Variants in TOMM34 observed in about 807,000 individuals in gnomAD.
TOMM34 encodes translocase of outer mitochondrial membrane 34.
In TOMM34, 24 loss-of-function variants were observed where a neutral mutation model predicts 37.4. That is an observed-to-expected ratio of 0.64 (90% confidence interval 0.46 to 0.90). TOMM34 has a LOEUF of 0.90. TOMM34 is among the 40% of genes least tolerant of loss of function. The pLI is 0.00. For missense variants in TOMM34, 304 were observed against 375.6 expected (o/e 0.81, Z 1.58); for synonymous variants, 154 against 148.9 (o/e 1.03, Z -0.25).
chr20:44,955,094 C>G lies in TOMM34; in HGVS notation c.354G>C (p.Val118=). The G allele has an allele frequency of 6.2e-7, 1 of 1,614,138 alleles. No individual in the cohort carries two copies. The highest frequency in any genetic ancestry group is 8.5e-7 in the Non-Finnish European group (1 of 1,180,030). ...YKTVLQIDDN[V]TSAVEGINRM... ...TGTTGATGCCTTCTACGGCTGACGT[C>G]ACATTATCATCAATCTGCAGCACAG... The change falls in exon 3 of 7, where the codon GTG becomes GTC. Residue 118 remains valine, a synonymous_variant. Transcript: ENST00000372813.
intron 4 of TOMM34, among the ~76,000 whole-genome samples, chr20:44,949,079 A>G (rs930574905): frequency 5.3e-5 from 8 of 152,184 alleles, no homozygotes; most frequent in African/African-American, 1.9e-4. Context: ...TTCATCAAGA[A>G]GTTGGGGAAT....
intron 5 of TOMM34, among the ~76,000 whole-genome samples, chr20:44,948,012 C>A (rs1301682490): frequency 2.0e-5 from 3 of 152,224 alleles, no homozygotes; most frequent in Non-Finnish European, 4.4e-5. Context: ...ACAGGAAGAT[C>A]TTGTTGAAGT....
At position 44,942,261 on chromosome 20, in the gene TOMM34, G is replaced by A. The variant is rs938637030; in HGVS notation, c.*848C>T. ...TTTAATGCAACAGCTTAAACACACA[G>A]TTCAACAAAATCAGTCAATTCAAAT... On this transcript the variant is annotated 3_prime_UTR_variant, in exon 7 of 7. Coordinates refer to ENST00000372813, the MANE Select transcript of TOMM34 (RefSeq NM_006809.5). 1 of 152,230 alleles carries A rather than the reference G, an allele frequency of 6.6e-6. No individual in the cohort carries two copies. Among genetic ancestry groups the A allele is most frequent in the Non-Finnish European group, 1.5e-5 (1 of 68,050 alleles). The allele number at this position is 152,230 out of a possible 1,614,324, so 9.4% of individuals were successfully genotyped here.
Position 44,958,117 on chromosome 20 carries a change from C to CATGTATATAT in TOMM34, c.128-1642_128-1633dup, listed in dbSNP as rs1555802824. On this transcript the variant is annotated intron_variant, in intron 1 of 6. Transcript: ENST00000372813. The stretch of plus-strand genomic sequence containing the variant: ...GTATATGTATATATGTATACATGTA[C>CATGTATATAT]ATGTATATATATGTATATGTATATA... 4.9e-3 allele frequency among the ~76,000 whole-genome samples: 718 copies of CATGTATATAT among 146,420 alleles called. 3 individuals are homozygous for CATGTATATAT. The highest frequency in any genetic ancestry group is 8.4e-3 in the Non-Finnish European group (567 of 67,284).
intron 5 of TOMM34, among the ~76,000 whole-genome samples, chr20:44,944,689 A>G (rs2066965606): frequency 6.6e-6 from 1 of 152,218 alleles, no homozygotes; most frequent in African/African-American, 2.4e-5. Flanking sequence ...CATCTCTTAA[A>G]CAAAACAAAA....
At chr20:44,955,346 T>G (rs2067062602) in intron 2 of TOMM34, 126 bp from the exon 3 acceptor site, 28 of 1,274,846 alleles carry the variant, frequency 2.2e-5, no homozygotes, top group Non-Finnish European at 2.8e-5. Context: ...CCGAGAGACA[T>G]GGCTAAAAAC....
rs75483280 is a variant in TOMM34, at chr20:44,955,448, A to G, written c.228-228T>C. The G allele has an allele frequency of 3.8e-3, 2,487 of 655,310 alleles. 12 individuals carry two copies. The highest frequency in any genetic ancestry group is 5.0e-3 in the Non-Finnish European group (1,802 of 357,126). 40.6% of individuals were successfully genotyped at this position (655,310 alleles called of 1,614,324 possible). A position where few individuals can be genotyped will look rare whatever the true frequency, so the allele number is the denominator to read the frequency against. On this transcript the variant is annotated intron_variant, in intron 2 of 6. Coordinates refer to ENST00000372813, the MANE Select transcript of TOMM34 (RefSeq NM_006809.5). ...CATGAATTTTGTTAAATGTGTGTGCACATGCATCAATTTTCATAGTTTCAG... is the reference window on the plus strand; with the variant it reads ...CATGAATTTTGTTAAATGTGTGTGCGCATGCATCAATTTTCATAGTTTCAG...
intron 5 of TOMM34, among the ~76,000 whole-genome samples, chr20:44,946,723 G>A (rs1221626021): frequency 6.6e-6 from 1 of 152,214 alleles, no homozygotes. Context: ...GCGTACATGA[G>A]GTGGAGCATT....
In TOMM34 at chr20:44,947,589, C is replaced by T. The variant is rs562970609; in HGVS notation, c.698+1141G>A. Among the ~76,000 whole-genome samples, 344 of 152,246 alleles carry T rather than the reference C, an allele frequency of 2.3e-3. 2 individuals carry two copies. The highest frequency in any genetic ancestry group is 3.0e-3 in the Non-Finnish European group (204 of 68,008). On this transcript the variant is annotated intron_variant, in intron 5 of 6. Coordinates refer to ENST00000372813, the MANE Select transcript of TOMM34 (RefSeq NM_006809.5). ...TCTTGGCTCACTGTAACCTCTGCCT[C>T]CTGGGTTCAAGTGATTCTCCTGCCT...
chr20:44,954,953 T>C, intron 3 of TOMM34, 115 bp downstream of exon 3: 1 of 1,332,886 alleles, frequency 7.5e-7, no homozygotes, highest in Non-Finnish European at 1.0e-6. Context: ...CCATCGGGAG[T>C]TTTTTAAGTG....
intron 4 of TOMM34, among the ~76,000 whole-genome samples, chr20:44,949,479 C>T (rs541148766): frequency 4.6e-5 from 7 of 152,314 alleles, no homozygotes; most frequent in Admixed American, 3.3e-4. Context: ...ACACATGCAG[C>T]TCTGCTCCAG....
At chr20:44,944,051 T>G (rs2066959912) in intron 5 of TOMM34, among the ~76,000 whole-genome samples, 1 of 152,216 alleles carries the variant, frequency 6.6e-6, no homozygotes, top group Non-Finnish European at 1.5e-5. Flanking sequence ...GTTTGCAATT[T>G]ACTTTTAAGT....
At chr20:44,958,405 C>T (rs1313106990) in intron 1 of TOMM34, 3 of 471,380 alleles carry the variant, frequency 6.4e-6, no homozygotes, top group Non-Finnish European at 1.3e-5. Flanking sequence ...GTACCCAAAA[C>T]CTGTAATCCA....
At position 44,956,613 on chromosome 20, in the gene TOMM34, G is replaced by A; in HGVS notation, c.128-128C>T. The A allele has an allele frequency of 6.3e-6, 5 of 798,010 alleles. No individual in the cohort carries two copies. In the Admixed American group the frequency reaches 1.0e-4, roughly 16 times the overall value. The allele number at this position is 798,010 out of a possible 1,614,324, so 49.4% of individuals were successfully genotyped here. A position where few individuals can be genotyped will look rare whatever the true frequency, so the allele number is the denominator to read the frequency against. The stretch of plus-strand genomic sequence containing the variant: ...AGTAGAGATAACTATAACCTGTTCA[G>A]GCTTGTTGGTCTGCTGGGCTGGCGT... On this transcript the variant is annotated intron_variant, in intron 1 of 6. Transcript: ENST00000372813.
intron 6 of TOMM34, 85 bp downstream of exon 6, chr20:44,943,368 C>T: frequency 6.2e-7 from 1 of 1,603,348 alleles, no homozygotes; most frequent in Non-Finnish European, 8.5e-7. Context: ...GATATTGTCT[C>T]AGCTTGGCTA....
chr20:44,948,594 T>C (rs2067000104), intron 5 of TOMM34, 136 bp downstream of exon 5: 2 of 1,107,746 alleles, frequency 1.8e-6, no homozygotes, highest in Non-Finnish European at 2.6e-6. Flanking sequence ...CATGGCTAGC[T>C]CACAACGTGG....
chr20:44,960,349 G>A lies in TOMM34; in HGVS notation c.-16C>T. On this transcript the variant is annotated 5_prime_UTR_variant, in exon 1 of 7. Transcript: ENST00000372813. ...TGGGGGCCATCCCGTGGCCAGGCCGGCGAGTTGGGAGCTCCTTCCTTCCTC... is the reference window on the plus strand; with the variant it reads ...TGGGGGCCATCCCGTGGCCAGGCCGACGAGTTGGGAGCTCCTTCCTTCCTC... The A allele has an allele frequency of 1.9e-6, 3 of 1,553,952 alleles. No individual in the cohort carries two copies. The highest frequency in any genetic ancestry group is 2.5e-5 in the East Asian group (1 of 40,376).
At chr20:44,954,197 CAG>C (rs1017964805) in intron 3 of TOMM34, among the ~76,000 whole-genome samples, 2 of 152,184 alleles carry the variant, frequency 1.3e-5, no homozygotes, top group African/African-American at 4.8e-5. Flanking sequence ...TTTCTGGCCT[CAG>C]AGCCCCCTGT....
chr20:44,943,441 A>AT lies in TOMM34; in HGVS notation c.825+11dup, dbSNP rs750700802. 143 of 1,610,658 alleles carry AT rather than the reference A, an allele frequency of 8.9e-5. No homozygotes were observed. Among genetic ancestry groups the AT allele is most frequent in the African/African-American group, 2.1e-4 (16 of 74,654 alleles). ...GCTATGTTGGGACCTTTTGGCCAGG[A>AT]TTTTTTTTTACCTTGAGTGCTTTGT... On this transcript the variant is annotated intron_variant, in intron 6 of 6. Transcript: ENST00000372813.
Sources: allele counts gnomAD v4.1 joint callset (sites outside exome capture counted in the v4.1 genomes callset), GRCh38; gene constraint gnomAD v4.1.1; transcripts MANE v1.5; gene names NCBI Gene and HGNC (gene_info 2026-07-23, HGNC 2026-07-21).